The following RABGAP1L variants were observed in gnomAD, a reference collection of about 807,000 sequenced individuals.
RABGAP1L encodes rab GTPase-activating protein 1-like.
RABGAP1L carries 63 observed loss-of-function variants against 137.7 expected under a neutral mutation model. The observed-to-expected ratio is 0.46, with a 90% CI of 0.37 to 0.56. The LOEUF (loss-of-function observed/expected upper bound fraction) is 0.56, where lower values mean the gene tolerates loss of function less well. RABGAP1L is among the 20% of genes least tolerant of loss of function. The pLI is 0.00. For synonymous variants in RABGAP1L, 431 were observed against 433.7 expected (o/e 0.99, Z 0.08); for missense variants, 1,095 against 1,244.0 (o/e 0.88, Z 1.80).
At chr1:174,572,495 A>G (rs1352386368) in intron 13 of RABGAP1L, among the ~76,000 whole-genome samples, 1 of 151,968 alleles carries the variant, frequency 6.6e-6, no homozygotes, top group Admixed American at 6.6e-5. Context: ...AAGCAATTCT[A>G]TCTCAGCCTC....
At chr1:174,792,790 T>A (rs1687958668) in intron 18 of RABGAP1L, among the ~76,000 whole-genome samples, 1 of 152,172 alleles carries the variant, frequency 6.6e-6, no homozygotes, top group East Asian at 1.9e-4. Context: ...TTCCTAAATG[T>A]CCAGTAATAA....
intron 13 of RABGAP1L, among the ~76,000 whole-genome samples, chr1:174,573,446 T>C (rs1668142322): frequency 6.6e-6 from 1 of 152,224 alleles, no homozygotes; most frequent in South Asian, 2.1e-4. Flanking sequence ...ATATTTGTAT[T>C]GCGATTATAT....
chr1:174,818,016 T>G (rs1241592984), intron 19 of RABGAP1L, among the ~76,000 whole-genome samples: 1 of 152,198 alleles, frequency 6.6e-6, no homozygotes, highest in Admixed American at 6.5e-5. Flanking sequence ...TGAGTTAACT[T>G]TTGAATATGT....
chr1:174,797,109 C>T (rs1281335172), intron 18 of RABGAP1L, among the ~76,000 whole-genome samples: 3 of 152,052 alleles, frequency 2.0e-5, no homozygotes, highest in Non-Finnish European at 4.4e-5. Context: ...GTTCCAAAAT[C>T]ATTTTGATTA....
chr1:174,624,708 A>G (rs534095597), intron 13 of RABGAP1L, among the ~76,000 whole-genome samples: 5 of 152,256 alleles, frequency 3.3e-5, no homozygotes, highest in African/African-American at 1.2e-4. Flanking sequence ...GGAAAATGGT[A>G]AGAGAAGTAT....
chr1:174,518,033 T>C (rs954791326), intron 13 of RABGAP1L, among the ~76,000 whole-genome samples: 1 of 152,208 alleles, frequency 6.6e-6, no homozygotes, highest in Non-Finnish European at 1.5e-5. Flanking sequence ...TATCATTATA[T>C]CAGTGGTTTT....
At chr1:174,703,533 G>A (rs1247365933) in intron 17 of RABGAP1L, among the ~76,000 whole-genome samples, 1 of 152,130 alleles carries the variant, frequency 6.6e-6, no homozygotes, top group African/African-American at 2.4e-5. Context: ...ATTATAAATA[G>A]TGCTGCGATA....
At chr1:174,551,652 C>G (rs1396023857) in intron 13 of RABGAP1L, among the ~76,000 whole-genome samples, 1 of 151,310 alleles carries the variant, frequency 6.6e-6, no homozygotes, top group Non-Finnish European at 1.5e-5. Context: ...GAAAATAAAC[C>G]CGAAGTAAGC....
intron 19 of RABGAP1L, among the ~76,000 whole-genome samples, chr1:174,877,879 T>C (rs1478180341): frequency 1.3e-5 from 2 of 152,170 alleles, no homozygotes; most frequent in Non-Finnish European, 2.9e-5. Context: ...TATATAATTA[T>C]CAGGTAGGGG....
At chr1:174,797,585 G>A (rs1234527587) in intron 18 of RABGAP1L, among the ~76,000 whole-genome samples, 1 of 126,904 alleles carries the variant, frequency 7.9e-6, no homozygotes, top group Non-Finnish European at 1.7e-5. Context: ...GTGTGGGGGT[G>A]TATGTGGTGG....
rs935691657 is a variant in RABGAP1L, at chr1:174,614,544, C to G, written c.1711-22831C>G. Among the ~76,000 whole-genome samples, 39 of 152,170 alleles carry G rather than the reference C, an allele frequency of 2.6e-4. 1 individual carries two copies. Among genetic ancestry groups the G allele is most frequent in the African/African-American group, 8.7e-4 (36 of 41,442 alleles). On this transcript the variant is annotated intron_variant, in intron 13 of 25. Coordinates refer to ENST00000681986, the MANE Select transcript of RABGAP1L (RefSeq NM_001366446.1). Reference sequence around the variant, plus strand: ...TTCATTTCAGCTTTGGTGAATCTGACATTTATGTGGCTTGGAGTTGCTCTT... The same window carrying G: ...TTCATTTCAGCTTTGGTGAATCTGAGATTTATGTGGCTTGGAGTTGCTCTT...
At chr1:174,516,480 A>G (rs548806602) in intron 13 of RABGAP1L, among the ~76,000 whole-genome samples, 83 of 152,168 alleles carry the variant, frequency 5.5e-4, no homozygotes, top group African/African-American at 1.8e-3. Context: ...TGGCCTCCCA[A>G]TGTGCTGGTA....
chr1:174,563,987 C>T (rs992379499), intron 13 of RABGAP1L, among the ~76,000 whole-genome samples: 2 of 152,110 alleles, frequency 1.3e-5, no homozygotes, highest in African/African-American at 4.8e-5. Flanking sequence ...TCAATGCCTT[C>T]CCTGGGATGG....
At chr1:174,483,769 C>T (rs1659358287) in intron 13 of RABGAP1L, among the ~76,000 whole-genome samples, 1 of 151,298 alleles carries the variant, frequency 6.6e-6, no homozygotes, top group South Asian at 2.1e-4. Context: ...GGAGGTTCTA[C>T]TGAGCCATGA....
At chr1:174,548,606 G>GC in intron 13 of RABGAP1L, 2 of 951,620 alleles carry the variant, frequency 2.1e-6, no homozygotes, top group Non-Finnish European at 2.5e-6. Context: ...GAAATTTGCA[G>GC]AGGGCTTCTG....
At chr1:174,265,268 A>G (rs1196366967) in intron 7 of RABGAP1L, among the ~76,000 whole-genome samples, 1 of 152,242 alleles carries the variant, frequency 6.6e-6, no homozygotes, top group African/African-American at 2.4e-5. Flanking sequence ...GTCCTGTATT[A>G]GTCTTACTGA....
chr1:174,597,059 A>G (rs114064846), intron 13 of RABGAP1L, among the ~76,000 whole-genome samples: 1 of 152,114 alleles, frequency 6.6e-6, no homozygotes, highest in African/African-American at 2.4e-5. Context: ...CATCCTGGGG[A>G]TAAATCTCAG....
intron 12 of RABGAP1L, among the ~76,000 whole-genome samples, chr1:174,390,507 A>G (rs1029547355): frequency 1.3e-5 from 2 of 152,212 alleles, no homozygotes; most frequent in Non-Finnish European, 2.9e-5. Flanking sequence ...TATATAAAAT[A>G]TTACAGTTAA....
Position 174,278,656 on chromosome 1 carries a change from AGAGGTG to A in RABGAP1L, c.1202_1207del (p.Glu401_Val402del). 6.2e-7 allele frequency: 1 copy of A among 1,613,468 alleles called. No individual in the cohort carries two copies. The highest frequency in any genetic ancestry group is 8.5e-7 in the Non-Finnish European group (1 of 1,179,698). On this transcript the variant is annotated inframe_deletion, in exon 10 of 26. Transcript: ENST00000681986. ...CTGTGGCAGTGGATATGGTAGTCAC[AGAGGTG>A]GTGGAGCCTGTTCGCTTTCTCCTGG...
Sources: allele counts gnomAD v4.1 joint callset (sites outside exome capture counted in the v4.1 genomes callset), GRCh38; gene constraint gnomAD v4.1.1; transcripts MANE v1.5; gene names NCBI Gene and HGNC (gene_info 2026-07-23, HGNC 2026-07-21).